MINPP1: variants seen among roughly 807,000 people sequenced by gnomAD.
MINPP1 encodes multiple inositol-polyphosphate phosphatase 1.
MINPP1 carries 28 observed loss-of-function variants against 46.1 expected under a neutral mutation model. The ratio of observed to expected loss-of-function variants is 0.61; its 90% confidence interval spans 0.45 to 0.83. MINPP1 has a LOEUF of 0.83. Ranked by LOEUF, MINPP1 falls within the 40% of genes least tolerant of loss-of-function variation. The pLI is 0.00. For synonymous variants in MINPP1, 268 were observed against 249.1 expected, an observed-to-expected ratio of 1.08 and a Z score of -0.72; for missense variants, 603 against 610.0, an observed-to-expected ratio of 0.99 and a Z score of 0.12.
chr10:87,536,059 G>A (rs1459595476), intron 4 of MINPP1, among the ~76,000 whole-genome samples: 3 of 152,144 alleles, frequency 2.0e-5, no homozygotes, highest in African/African-American at 7.2e-5. Flanking sequence ...ACATAGACAA[G>A]TAAAGTCTAT....
At chr10:87,508,055 TTATTAATG>T in intron 1 of MINPP1, 4 of 1,449,484 alleles carry the variant, frequency 2.8e-6, no homozygotes, top group Non-Finnish European at 3.6e-6. Flanking sequence ...GAAACAGTAC[TTATTAATG>T]TATGATGCAA....
chr10:87,549,911 A>C (rs1380818261), intron 4 of MINPP1, among the ~76,000 whole-genome samples: 1 of 152,202 alleles, frequency 6.6e-6, no homozygotes, highest in African/African-American at 2.4e-5. Flanking sequence ...ATCCTTATTA[A>C]ATTTCATTAT....
intron 4 of MINPP1, among the ~76,000 whole-genome samples, chr10:87,528,085 A>G (rs1000801856): frequency 5.3e-5 from 8 of 151,328 alleles, no homozygotes; most frequent in African/African-American, 1.9e-4. Flanking sequence ...TGTCTATTTG[A>G]TTCTTCTTTC....
At chr10:87,531,327 A>C (rs1040744830) in intron 4 of MINPP1, among the ~76,000 whole-genome samples, 6 of 152,180 alleles carry the variant, frequency 3.9e-5, no homozygotes, top group African/African-American at 7.2e-5. Context: ...CCTCCTCCTC[A>C]TCATCTTGCT....
At chr10:87,512,831 A>G (rs74898523) in intron 2 of MINPP1, among the ~76,000 whole-genome samples, 1 of 147,972 alleles carries the variant, frequency 6.8e-6, no homozygotes, top group African/African-American at 2.5e-5. Context: ...GACCCTGTCC[A>G]AAAAAAAAAG....
In MINPP1 at chr10:87,505,250, G is replaced by C; in HGVS notation, c.335G>C (p.Arg112Pro). ...CAGCTGCACGGGTTGCTGCAGGCCC[G>C]CGGGTCCAGGGATGGCGGGGCTAGT... The part of the protein sequence containing the change: ...LRQLHGLLQA[R>P]GSRDGGASST... Residue 112 changes from arginine to proline, a missense_variant, in exon 1 of 5, where the codon CGC becomes CCC. Arg to Pro is a moderately radical substitution (Grantham distance 103). Coordinates refer to ENST00000371996, the MANE Select transcript of MINPP1 (RefSeq NM_004897.5). This position sits in a 1 kb window ranked among gnomAD's most constrained non-coding sequence, Gnocchi z 4.4. The C allele has an allele frequency of 6.2e-7, 1 of 1,612,496 alleles. No homozygotes were observed. The highest frequency in any genetic ancestry group is 8.5e-7 in the Non-Finnish European group (1 of 1,179,104).
chr10:87,511,067 A>G (rs1428928948), intron 2 of MINPP1, among the ~76,000 whole-genome samples: 2 of 152,080 alleles, frequency 1.3e-5, no homozygotes, highest in Non-Finnish European at 2.9e-5. Context: ...TTTAGTAGCC[A>G]TTTGCATTTC....
At chr10:87,528,157 C>T (rs1009835770) in intron 4 of MINPP1, among the ~76,000 whole-genome samples, 3 of 152,016 alleles carry the variant, frequency 2.0e-5, no homozygotes, top group African/African-American at 7.2e-5. Flanking sequence ...CAAAAACCCA[C>T]CTCCTAGATT....
intron 4 of MINPP1, among the ~76,000 whole-genome samples, chr10:87,540,464 C>CTCTCTG (rs76919133): frequency 2.7e-5 from 4 of 148,596 alleles, no homozygotes; most frequent in African/African-American, 5.1e-5. Flanking sequence ...TCTCTCTCCT[C>CTCTCTG]TCTCTGTCTC....
chr10:87,504,902 T>A lies in MINPP1; in HGVS notation c.-14T>A. The A allele has an allele frequency of 6.2e-7, 1 of 1,608,682 alleles. No homozygotes were observed. The highest frequency in any genetic ancestry group is 8.5e-7 in the Non-Finnish European group (1 of 1,178,828). ...CTGCAGCTGGCTCGGCGCACTCCAC[T>A]GACCGTCCCGACGATGCTACGCGCG... On this transcript the variant is annotated 5_prime_UTR_variant, in exon 1 of 5. Coordinates refer to ENST00000371996, the MANE Select transcript of MINPP1 (RefSeq NM_004897.5).
At chr10:87,517,654 T>C (rs550332718) in intron 3 of MINPP1, among the ~76,000 whole-genome samples, 7 of 152,326 alleles carry the variant, frequency 4.6e-5, no homozygotes, top group African/African-American at 1.7e-4. Context: ...TCAGTAGACA[T>C]TGTTTTTAGT....
chr10:87,545,945 T>C (rs1344691749), intron 4 of MINPP1, among the ~76,000 whole-genome samples: 4 of 152,208 alleles, frequency 2.6e-5, no homozygotes, highest in African/African-American at 9.6e-5. Flanking sequence ...ACATCATTAG[T>C]GATCATGTCG....
chr10:87,515,816 T>C (rs1348369671), intron 3 of MINPP1, among the ~76,000 whole-genome samples: 1 of 145,660 alleles, frequency 6.9e-6, no homozygotes, highest in Admixed American at 7.5e-5. Context: ...AAGTTCTTTG[T>C]TAAGAATTTT....
intron 4 of MINPP1, among the ~76,000 whole-genome samples, chr10:87,542,966 C>T (rs1388751058): frequency 6.6e-6 from 1 of 152,130 alleles, no homozygotes; most frequent in Non-Finnish European, 1.5e-5. Flanking sequence ...AAATTTGGAA[C>T]TTCTGAGAGA....
intron 1 of MINPP1, among the ~76,000 whole-genome samples, chr10:87,507,317 TTAGA>T (rs1851266269): frequency 6.6e-6 from 1 of 152,196 alleles, no homozygotes; most frequent in Non-Finnish European, 1.5e-5. Flanking sequence ...CTAGCAATAA[TTAGA>T]TAGTAACAAG....
At chr10:87,524,702 T>C (rs2131818989) in intron 4 of MINPP1, among the ~76,000 whole-genome samples, 1 of 152,302 alleles carries the variant, frequency 6.6e-6, no homozygotes, top group East Asian at 1.9e-4. Flanking sequence ...TTAATTGACG[T>C]AATTTCAGTA....
intron 4 of MINPP1, among the ~76,000 whole-genome samples, chr10:87,528,117 C>CT (rs1402738072): frequency 1.3e-5 from 2 of 152,044 alleles, no homozygotes; most frequent in African/African-American, 4.8e-5. Flanking sequence ...ATTAGTCTTG[C>CT]TAGCAGTCTA....
In MINPP1 at chr10:87,505,050, C is replaced by T. The variant is rs372051204; in HGVS notation, c.135C>T (p.Pro45=). The change falls in exon 1 of 5, where the codon CCC becomes CCT. Residue 45 remains proline, a synonymous_variant. Transcript: ENST00000371996. This position sits in a 1 kb window ranked among gnomAD's most constrained non-coding sequence, Gnocchi z 4.4. The stretch of plus-strand genomic sequence containing the variant: ...ACCCGGTGGCCTCGTCGCTCAGCCC[C>T]TATTTCGGCACCAAGACTCGCTACG... ...PRDPVASSLS[P]YFGTKTRYED... 12 of 1,613,442 alleles carry T rather than the reference C, an allele frequency of 7.4e-6. No individual in the cohort carries two copies. Among genetic ancestry groups the T allele is most frequent in the Non-Finnish European group, 1.0e-5 (12 of 1,179,920 alleles).
At chr10:87,512,880 T>G (rs1160232569) in intron 2 of MINPP1, among the ~76,000 whole-genome samples, 2 of 152,156 alleles carry the variant, frequency 1.3e-5, no homozygotes, top group Non-Finnish European at 2.9e-5. Context: ...TTTCTTAGTT[T>G]TATTGGGCTG....
Sources: gnomAD v4.1 joint callset for allele counts (sites outside exome capture counted in the v4.1 genomes callset) on GRCh38, gnomAD v4.1.1 for gene constraint, Gnocchi (gnomAD v3.1) non-coding constraint, MANE v1.5 for transcripts, NCBI Gene and HGNC (gene_info 2026-07-23, HGNC 2026-07-21) for gene names.